PLBD1: variants seen among roughly 807,000 people sequenced by gnomAD.
The protein encoded by PLBD1 is lysosomal leucine aminopeptidase.
Under a neutral mutation model 63.0 loss-of-function variants are expected in PLBD1, and 60 were observed. That is an observed-to-expected ratio of 0.95 (90% CI 0.77 to 1.18). PLBD1 has a LOEUF of 1.18. Ranked by LOEUF, PLBD1 falls within the 50% of genes most tolerant of loss-of-function variation. PLBD1 has a pLI of 0.00. For synonymous variants in PLBD1, 262 were observed against 248.0 expected (o/e 1.06, Z -0.53); for missense variants, 598 against 677.9 (o/e 0.88, Z 1.31).
chr12:14,529,894 AG>A (rs1721614000), intron 6 of PLBD1, among the ~76,000 whole-genome samples: 2 of 152,236 alleles, frequency 1.3e-5, no homozygotes, highest in Non-Finnish European at 2.9e-5. Flanking sequence ...AAAAGCTATT[AG>A]AAAGATCTCA....
intron 6 of PLBD1, among the ~76,000 whole-genome samples, chr12:14,526,735 G>A (rs537370233): frequency 2.0e-5 from 3 of 152,310 alleles, no homozygotes; most frequent in Non-Finnish European, 4.4e-5. Context: ...CACTTTGGGA[G>A]GCCGAGGCAG....
chr12:14,505,635 A>C (rs1945248559), intron 10 of PLBD1, among the ~76,000 whole-genome samples: 7 of 152,210 alleles, frequency 4.6e-5, no homozygotes. Flanking sequence ...ATATTTTCAG[A>C]TACATTACAG....
chr12:14,561,545 C>T lies in PLBD1; in HGVS notation c.115+6037G>A, dbSNP rs535731575. Among the ~76,000 whole-genome samples the T allele has an allele frequency of 5.9e-5, 9 of 152,194 alleles. No individual in the cohort carries two copies. The South Asian group carries it at 1.9e-3, about 32-fold the overall frequency. ...CAATGCTTTATGGATTACGTGGCCACCTGGATCCCCAACTTTCTTTTGTTT... is the reference window on the plus strand; with the variant it reads ...CAATGCTTTATGGATTACGTGGCCATCTGGATCCCCAACTTTCTTTTGTTT... On this transcript the variant is annotated intron_variant, in intron 1 of 10. Transcript: ENST00000240617.
At chr12:14,514,739 T>A (rs1259014104) in intron 6 of PLBD1, among the ~76,000 whole-genome samples, 7 of 145,100 alleles carry the variant, frequency 4.8e-5, no homozygotes, top group Non-Finnish European at 7.6e-5. Flanking sequence ...ATAATCTTTT[T>A]AAATTTTTTT....
chr12:14,559,862 A>T (rs1051940577), intron 1 of PLBD1, among the ~76,000 whole-genome samples: 5 of 145,088 alleles, frequency 3.4e-5, no homozygotes, highest in Non-Finnish European at 4.6e-5. Flanking sequence ...TATTTATTTA[A>T]TTTTTTTTTT....
intron 6 of PLBD1, among the ~76,000 whole-genome samples, chr12:14,516,471 A>G (rs1230405985): frequency 6.6e-6 from 1 of 152,224 alleles, no homozygotes; most frequent in Non-Finnish European, 1.5e-5. Flanking sequence ...GGTGCTTGTT[A>G]CAAATGTCCC....
intron 1 of PLBD1, among the ~76,000 whole-genome samples, chr12:14,565,024 G>C (rs1945769705): frequency 6.6e-6 from 1 of 152,036 alleles, no homozygotes. Flanking sequence ...TCAATTATGG[G>C]GCTTTTGGTC....
At chr12:14,555,654 G>A (rs1945697679) in intron 1 of PLBD1, among the ~76,000 whole-genome samples, 2 of 152,162 alleles carry the variant, frequency 1.3e-5, no homozygotes, top group Non-Finnish European at 1.5e-5. Flanking sequence ...CGATGATCCA[G>A]AGACCATCAC....
intron 4 of PLBD1, 69 bp downstream of exon 4, chr12:14,540,695 A>T: frequency 7.2e-7 from 1 of 1,397,546 alleles, no homozygotes. Flanking sequence ...TTGGAATGTT[A>T]TTTTAAAGAT....
chr12:14,523,283 C>G (rs552742243), intron 6 of PLBD1, among the ~76,000 whole-genome samples: 1 of 151,728 alleles, frequency 6.6e-6, no homozygotes, highest in Non-Finnish European at 1.5e-5. Flanking sequence ...CTTAACTAAG[C>G]GGGTGAAAGA....
At chr12:14,545,305 C>T (rs1254413853) in intron 2 of PLBD1, among the ~76,000 whole-genome samples, 1 of 152,236 alleles carries the variant, frequency 6.6e-6, no homozygotes, top group East Asian at 1.9e-4. Context: ...CCAGCCTTGA[C>T]TCAGCTCACT....
chr12:14,547,180 T>TTGTGTCTGTGTG (rs574016802), intron 2 of PLBD1, among the ~76,000 whole-genome samples: 4 of 138,142 alleles, frequency 2.9e-5, no homozygotes, highest in African/African-American at 1.1e-4. Flanking sequence ...GCACCTGGCT[T>TTGTGTCTGTGTG]TGTGTGTGTG....
Position 14,507,090 on chromosome 12 carries a change from G to T in PLBD1, c.1215C>A (p.Phe405Leu), listed in dbSNP as rs1174958274. 2 of 1,612,066 alleles carry T rather than the reference G, an allele frequency of 1.2e-6. No individual in the cohort carries two copies. Among genetic ancestry groups the T allele is most frequent in the Non-Finnish European group, 1.7e-6 (2 of 1,178,560 alleles). Reference protein sequence around the residue: ...KGYWPSYNVPFHEKIYNWSGY... With the variant: ...KGYWPSYNVPLHEKIYNWSGY... The stretch of plus-strand genomic sequence containing the variant: ...CACTCCAGTTGTAGATTTTTTCATG[G>T]AAAGGAACATTGTAGGAGGGCCAAT... The change falls in exon 9 of 11, where the codon TTC (phenylalanine) becomes TTA (leucine). Residue 405 changes from phenylalanine to leucine, a missense_variant. Coordinates refer to ENST00000240617, the MANE Select transcript of PLBD1 (RefSeq NM_024829.6).
At chr12:14,531,964 A>G (rs1195187605) in intron 6 of PLBD1, among the ~76,000 whole-genome samples, 2 of 152,250 alleles carry the variant, frequency 1.3e-5, no homozygotes, top group African/African-American at 2.4e-5. Flanking sequence ...AAGTAGGTAC[A>G]TAAAAAGATA....
Position 14,523,779 on chromosome 12 carries a change from G to A in PLBD1, c.844+11880C>T, listed in dbSNP as rs549985307. Among the ~76,000 whole-genome samples, 7 of 152,180 alleles carry A rather than the reference G, an allele frequency of 4.6e-5. No individual in the cohort carries two copies. The East Asian group carries it at 1.3e-3, about 29-fold the overall frequency. On this transcript the variant is annotated intron_variant, in intron 6 of 10. Coordinates refer to ENST00000240617, the MANE Select transcript of PLBD1 (RefSeq NM_024829.6). ...GGAAAACTGGGTATCTACATGGAGA[G>A]GAATGAAACTAGACCCCTTGCTGGG... is the stretch of plus-strand genomic sequence containing the variant.
chr12:14,548,457 CAAAAAAAAAAAAAAA>C (rs56119793), intron 2 of PLBD1, among the ~76,000 whole-genome samples: 37 of 68,376 alleles, frequency 5.4e-4, no homozygotes, highest in East Asian at 3.7e-3. Flanking sequence ...ACTCCATCTC[CAAAAAAAAAAAAAAA>C]AAAAAAAAAA....
chr12:14,511,178 T>G, intron 8 of PLBD1, 82 bp downstream of exon 8: 2 of 565,812 alleles, frequency 3.5e-6, no homozygotes, highest in Admixed American at 2.7e-5. Flanking sequence ...CCACCACACA[T>G]TCACACAATG....
chr12:14,538,720 G>A (rs1449635923), intron 4 of PLBD1, among the ~76,000 whole-genome samples: 3 of 151,896 alleles, frequency 2.0e-5, no homozygotes, highest in African/African-American at 7.2e-5. Context: ...GTCCTCATAC[G>A]AATTGTTTAA....
chr12:14,525,262 C>CA (rs1411225362), intron 6 of PLBD1, among the ~76,000 whole-genome samples: 2 of 151,380 alleles, frequency 1.3e-5, no homozygotes, highest in Admixed American at 1.3e-4. Context: ...AACTTCATCT[C>CA]AAAATAAATA....
Sources: allele counts gnomAD v4.1 joint callset (sites outside exome capture counted in the v4.1 genomes callset), GRCh38; gene constraint gnomAD v4.1.1; transcripts MANE v1.5; gene names NCBI Gene and HGNC (gene_info 2026-07-23, HGNC 2026-07-21).